The following SLC12A1 variants were observed in gnomAD, a reference collection of about 807,000 sequenced individuals.
SLC12A1 encodes solute carrier family 12 member 1, also known as Na-K-2Cl cotransporter.
SLC12A1 carries 89 observed loss-of-function variants against 130.4 expected under a neutral mutation model. The ratio of observed to expected loss-of-function variants is 0.68; its 90% confidence interval spans 0.58 to 0.81. The LOEUF (loss-of-function observed/expected upper bound fraction) is 0.81. SLC12A1 is among the 40% of genes least tolerant of loss of function. SLC12A1 has a pLI of 0.00. For synonymous variants in SLC12A1, 499 were observed against 460.0 expected (o/e 1.08, Z -1.09); for missense variants, 1,310 against 1,336.4 (o/e 0.98, Z 0.31).
Position 48,299,261 on chromosome 15 carries a change from G to A in SLC12A1, c.3082G>A (p.Ala1028Thr), listed in dbSNP as rs1488702965. 6.3e-7 allele frequency: 1 copy of A among 1,598,304 alleles called. No homozygotes were observed. Among genetic ancestry groups the A allele is most frequent in the Non-Finnish European group, 8.5e-7 (1 of 1,175,012 alleles). Residue 1028 changes from alanine to threonine, a missense_variant, in exon 25 of 27, where the codon GCA becomes ACA. By Grantham distance (58) the Ala-to-Thr change is moderately conservative (BLOSUM62 0). Coordinates refer to ENST00000380993, the MANE Select transcript of SLC12A1 (RefSeq NM_000338.3). ...GAAAATTACAGATGCAGAACTGGAA[G>A]CAGTCAAGGAAAAGGTAAGGATTTG... ...PWKITDAELE[A>T]VKEKSYRQVR...
intron 20 of SLC12A1, among the ~76,000 whole-genome samples, 197 bp from the exon 21 acceptor site, chr15:48,284,909 G>A (rs182546084): frequency 3.3e-5 from 5 of 152,270 alleles, no homozygotes; most frequent in Admixed American, 2.0e-4. Context: ...GAGATTACAG[G>A]CATGAGCTAC....
intron 26 of SLC12A1, among the ~76,000 whole-genome samples, chr15:48,302,245 G>A (rs1239510483): frequency 1.3e-5 from 2 of 152,148 alleles, no homozygotes; most frequent in African/African-American, 4.8e-5. Context: ...CTGGTTTATA[G>A]ATAGTATTAC....
At chr15:48,253,342 A>G (rs866921912) in intron 15 of SLC12A1, among the ~76,000 whole-genome samples, 87 of 152,322 alleles carry the variant, frequency 5.7e-4, no homozygotes, top group African/African-American at 2.0e-3. Flanking sequence ...CTGTGTAGTC[A>G]ATCTCCACCC....
intron 20 of SLC12A1, among the ~76,000 whole-genome samples, chr15:48,277,368 A>G (rs1379234593): frequency 2.0e-5 from 3 of 152,162 alleles, no homozygotes; most frequent in African/African-American, 7.2e-5. Flanking sequence ...GGAGCAAAGG[A>G]GGTGAGGATT....
chr15:48,290,821 CT>C (rs1232524126), intron 23 of SLC12A1, among the ~76,000 whole-genome samples: 1 of 152,004 alleles, frequency 6.6e-6, no homozygotes, highest in Non-Finnish European at 1.5e-5. Flanking sequence ...AACATGGAAA[CT>C]AACATAATGT....
intron 17 of SLC12A1, among the ~76,000 whole-genome samples, chr15:48,263,176 A>AT (rs1025774895): frequency 7.9e-5 from 12 of 152,166 alleles, no homozygotes; most frequent in Admixed American, 6.5e-5. Context: ...AAAAATAGGA[A>AT]TTTTTTTATT....
At chr15:48,289,696 T>A (rs984290009) in intron 23 of SLC12A1, among the ~76,000 whole-genome samples, 6 of 151,974 alleles carry the variant, frequency 3.9e-5, no homozygotes, top group Non-Finnish European at 8.8e-5. Flanking sequence ...ATGGTAAATA[T>A]TTGTATATCA....
Position 48,220,719 on chromosome 15 carries a change from A to T in SLC12A1, c.506A>T (p.Asp169Val). Residue 169 changes from aspartate (D) to valine (V), a missense_variant, in exon 3 of 27, where the codon GAT (aspartate) becomes GTT (valine). Transcript: ENST00000380993. ...PGDEQAENKE[D>V]DQAGVVKFGW... ...GATGAACAAGCTGAAAATAAGGAAG[A>T]TGATCAAGCTGGTGTTGTGAAGTTT... 6.2e-7 allele frequency: 1 copy of T among 1,613,904 alleles called. No individual in the cohort carries two copies. The highest frequency in any genetic ancestry group is 8.5e-7 in the Non-Finnish European group (1 of 1,179,848).
At chr15:48,292,288 C>T (rs1473982132) in intron 24 of SLC12A1, among the ~76,000 whole-genome samples, 2 of 152,118 alleles carry the variant, frequency 1.3e-5, no homozygotes, top group Non-Finnish European at 2.9e-5. Context: ...TCTTGGCACA[C>T]TGACAATACC....
At chr15:48,279,632 T>C (rs2041990489) in intron 20 of SLC12A1, among the ~76,000 whole-genome samples, 1 of 152,214 alleles carries the variant, frequency 6.6e-6, no homozygotes, top group Non-Finnish European at 1.5e-5. Flanking sequence ...AAAAAAGCCA[T>C]GATATTTCAT....
intron 20 of SLC12A1, among the ~76,000 whole-genome samples, chr15:48,283,600 G>T (rs1287361805): frequency 6.6e-6 from 1 of 152,242 alleles, no homozygotes; most frequent in Non-Finnish European, 1.5e-5. Flanking sequence ...CTGTGTAGCT[G>T]AATAGCAGCA....
intron 4 of SLC12A1, chr15:48,225,292 T>G (rs980882389): frequency 1.3e-5 from 2 of 152,194 alleles, no homozygotes; most frequent in African/African-American, 4.8e-5. Context: ...TGCTATACTG[T>G]ATGTAGTTCT....
chr15:48,263,532 T>C (rs1385213), intron 17 of SLC12A1, among the ~76,000 whole-genome samples: 15,185 of 152,150 alleles, frequency 0.1, 1,340 homozygotes, highest in East Asian at 0.3. Context: ...ACTGGCAGTT[T>C]CATATGGCTC....
chr15:48,247,948 C>T (rs1181149586), intron 13 of SLC12A1, among the ~76,000 whole-genome samples: 1 of 152,210 alleles, frequency 6.6e-6, no homozygotes, highest in Non-Finnish European at 1.5e-5. Context: ...ACAAGCTACT[C>T]AAGAGATTCG....
chr15:48,286,436 A>G (rs942273871), intron 21 of SLC12A1, among the ~76,000 whole-genome samples: 5 of 152,188 alleles, frequency 3.3e-5, no homozygotes, highest in African/African-American at 1.2e-4. Flanking sequence ...GATGCTAACT[A>G]TTATCTTCTT....
rs748467173 is a variant in SLC12A1 at position 48,230,467 on chromosome 15, A to G, written c.939A>G (p.Leu313=). ...IIGSITVVIL[L]GISVAGMEWE... is the part of the protein sequence containing the mutation. Reference sequence around the variant, plus strand: ...GCTCCATCACAGTGGTGATTCTTCTAGGAATTTCAGTAGCTGGAATGGAAT... The same window carrying G: ...GCTCCATCACAGTGGTGATTCTTCTGGGAATTTCAGTAGCTGGAATGGAAT... The change falls in exon 7 of 27, where the codon CTA becomes CTG. Residue 313 remains leucine, a synonymous_variant. Coordinates refer to ENST00000380993, the MANE Select transcript of SLC12A1 (RefSeq NM_000338.3). 6.2e-7 allele frequency: 1 copy of G among 1,612,610 alleles called. No individual in the cohort carries two copies. Among genetic ancestry groups the G allele is most frequent in the South Asian group, 1.1e-5 (1 of 90,486 alleles).
rs764426992 is a variant in SLC12A1 at position 48,269,761 on chromosome 15, T to C, written c.2399T>C (p.Ile800Thr). 17 of 1,559,280 alleles carry C rather than the reference T, an allele frequency of 1.1e-5. No homozygotes were observed. In the Admixed American group the frequency reaches 1.2e-4, roughly 11 times the overall value. ...GAGATTGAGAACTACGTGGGAATCA[T>C]ACAGTAAGTGATGGCTTTCAAGACG... ...LTEIENYVGIIHDAFDFEIGV... is the reference protein window; with the variant it reads ...LTEIENYVGITHDAFDFEIGV... Residue 800 changes from isoleucine (I) to threonine (T), a missense_variant, in exon 19 of 27, where the codon ATA (isoleucine) becomes ACA (threonine). By Grantham distance (89) the Ile-to-Thr change is moderately conservative. Transcript: ENST00000380993.
At position 48,247,389 on chromosome 15, in the gene SLC12A1, A is replaced by G. The variant is rs1468811925; in HGVS notation, c.1613A>G (p.Tyr538Cys). 6.2e-7 allele frequency: 1 copy of G among 1,612,404 alleles called. No homozygotes were observed. Among genetic ancestry groups the G allele is most frequent in the South Asian group, 1.1e-5 (1 of 91,020 alleles). Reference sequence around the variant, plus strand: ...GCCCTGCAGTTTTTTGCAAAGGGATATGGGAAAAACAATGAACCCCTGAGA... The same window carrying G: ...GCCCTGCAGTTTTTTGCAAAGGGATGTGGGAAAAACAATGAACCCCTGAGA... ...YKALQFFAKG[Y>C]GKNNEPLRGY... Residue 538 changes from tyrosine to cysteine, a missense_variant, in exon 13 of 27, where the codon TAT (tyrosine) becomes TGT (cysteine). Tyr to Cys is a radical substitution (Grantham distance 194). Coordinates refer to ENST00000380993, the MANE Select transcript of SLC12A1 (RefSeq NM_000338.3).
chr15:48,257,950 A>C (rs2041726317), intron 16 of SLC12A1, among the ~76,000 whole-genome samples: 2 of 152,086 alleles, frequency 1.3e-5, no homozygotes, highest in Non-Finnish European at 2.9e-5. Flanking sequence ...TTTCCTCTTG[A>C]ACACTTTGCT....
Sources: gnomAD v4.1 joint callset for allele counts (sites outside exome capture counted in the v4.1 genomes callset) on GRCh38, gnomAD v4.1.1 for gene constraint, MANE v1.5 for transcripts, NCBI Gene and HGNC (gene_info 2026-07-23, HGNC 2026-07-21) for gene names.